The following DAB1 variants were observed in gnomAD, a reference collection of about 807,000 sequenced individuals.
The protein encoded by DAB1 is DAB adaptor protein 1, also known as disabled homolog 1.
Under a neutral mutation model 64.6 loss-of-function variants are expected in DAB1, and 15 were observed. That is an observed-to-expected ratio of 0.23 (90% CI 0.16 to 0.36). The LOEUF is 0.36. DAB1 is among the 10% of genes least tolerant of loss of function. DAB1 has a pLI of 1.00. For missense variants in DAB1, 596 were observed against 706.7 expected, an observed-to-expected ratio of 0.84 and a Z score of 1.78; for synonymous variants, 235 against 251.9, an observed-to-expected ratio of 0.93 and a Z score of 0.64.
chr1:57,820,064 A>C (rs760591584), intron 6 of DAB1, among the ~76,000 whole-genome samples: 3 of 152,204 alleles, frequency 2.0e-5, no homozygotes, highest in Non-Finnish European at 2.9e-5. Flanking sequence ...CAAAGTACAC[A>C]GGGCCAAGAC....
chr1:58,167,060 A>G lies in DAB1; in HGVS notation n.310-16472T>C, dbSNP rs1444898524. ...ATTGCACTCAGCCAACTATTAAAAA[A>G]AAAAAAAGCTGCCAAATTGCTGCCA... On this transcript the variant is annotated intron_variant and non_coding_transcript_variant, in intron 4 of 20. Transcript: ENST00000485760. 7.2e-5 allele frequency among the ~76,000 whole-genome samples: 11 copies of G among 152,222 alleles called. No homozygotes were observed. In the East Asian group the frequency reaches 1.5e-3, roughly 21 times the overall value.
chr1:57,076,324 C>T (rs970757321), intron 4 of DAB1, among the ~76,000 whole-genome samples: 3 of 152,084 alleles, frequency 2.0e-5, no homozygotes, highest in Non-Finnish European at 2.9e-5. Context: ...TTTTGAAAAC[C>T]GTTATTGTCT....
chr1:58,032,021 T>C (rs924963868), intron 5 of DAB1, among the ~76,000 whole-genome samples: 3 of 100,794 alleles, frequency 3.0e-5, no homozygotes, highest in African/African-American at 8.8e-5. Flanking sequence ...TGTGTGTGTG[T>C]GTGTGTGTGT....
chr1:57,654,135 C>T (rs1374338518), intron 6 of DAB1, among the ~76,000 whole-genome samples: 3 of 152,074 alleles, frequency 2.0e-5, no homozygotes, highest in Non-Finnish European at 4.4e-5. Context: ...TTTAGGTTTT[C>T]CCTTCAGTGA....
chr1:57,807,515 G>C (rs1651418745), intron 6 of DAB1, among the ~76,000 whole-genome samples: 1 of 152,110 alleles, frequency 6.6e-6, no homozygotes, highest in Non-Finnish European at 1.5e-5. Context: ...TGGTTAACCT[G>C]TTTCGCAGCA....
rs1053733444 is a variant in DAB1, at chr1:57,438,593, G to A, written n.626-147427C>T. On this transcript the variant is annotated intron_variant and non_coding_transcript_variant, in intron 7 of 20. Transcript: ENST00000485760. The stretch of plus-strand genomic sequence containing the variant: ...TTTCCAGCAAAATAAAGAAGGAGGA[G>A]GAGGAGGAAGAGGAGGAGGAGAATT... Among the ~76,000 whole-genome samples, 3 of 152,292 alleles carry A rather than the reference G, an allele frequency of 2.0e-5. No individual in the cohort carries two copies. The East Asian group carries it at 5.8e-4, about 29-fold the overall frequency.
At chr1:58,178,242 A>G (rs546710120) in intron 4 of DAB1, among the ~76,000 whole-genome samples, 2 of 152,292 alleles carry the variant, frequency 1.3e-5, no homozygotes, top group African/African-American at 4.8e-5. Context: ...CTCCGTTCTG[A>G]AACCAACCCT....
At chr1:57,139,654 C>T (rs1487698583) in intron 3 of DAB1, among the ~76,000 whole-genome samples, 2 of 152,086 alleles carry the variant, frequency 1.3e-5, no homozygotes, top group East Asian at 3.9e-4. Context: ...TTCAGTGTCT[C>T]CATTTCCAAA....
intron 1 of DAB1, among the ~76,000 whole-genome samples, chr1:57,339,173 C>G (rs1203718279): frequency 7.7e-6 from 1 of 129,466 alleles, no homozygotes; most frequent in Non-Finnish European, 1.7e-5. Context: ...TTTTTTTTTT[C>G]GAGACAGAGT....
At chr1:57,054,363 G>A (rs929335209) in intron 9 of DAB1, among the ~76,000 whole-genome samples, 1 of 151,776 alleles carries the variant, frequency 6.6e-6, no homozygotes, top group African/African-American at 2.4e-5. Flanking sequence ...CATTCCCACT[G>A]TGGGACCTGA....
intron 1 of DAB1, among the ~76,000 whole-genome samples, chr1:57,296,116 T>C (rs1309227933): frequency 1.3e-5 from 2 of 152,118 alleles, no homozygotes; most frequent in East Asian, 3.9e-4. Flanking sequence ...CTATTTTCGA[T>C]GTTCTATAGA....
Position 58,134,530 on chromosome 1 carries a change from G to C in DAB1, n.387+15981C>G, listed in dbSNP as rs544671609. ...GTAATTTATTTGAAAAAAAAAAGAG[G>C]TTTAATCAGCTCATGCTTCTGCAGG... On this transcript the variant is annotated intron_variant and non_coding_transcript_variant, in intron 5 of 20. Coordinates refer to the DAB1 transcript ENST00000485760. Among the ~76,000 whole-genome samples, 9 of 152,164 alleles carry C rather than the reference G, an allele frequency of 5.9e-5. 1 individual carries two copies. Among genetic ancestry groups the C allele is most frequent in the African/African-American group, 2.2e-4 (9 of 41,504 alleles).
chr1:57,997,097 A>G (rs1351935813), intron 5 of DAB1, among the ~76,000 whole-genome samples: 6 of 152,142 alleles, frequency 3.9e-5, no homozygotes, highest in Non-Finnish European at 7.4e-5. Flanking sequence ...ACATAAAAAA[A>G]CACCTGAATC....
intron 4 of DAB1, among the ~76,000 whole-genome samples, chr1:58,179,307 A>G (rs1295272194): frequency 1.3e-5 from 2 of 152,094 alleles, no homozygotes; most frequent in African/African-American, 4.8e-5. Context: ...CTTTCTTGTA[A>G]TATCTTTTTC....
At chr1:58,252,005 T>C (rs1473461448) in intron 4 of DAB1, among the ~76,000 whole-genome samples, 7 of 152,162 alleles carry the variant, frequency 4.6e-5, no homozygotes, top group African/African-American at 1.7e-4. Flanking sequence ...GGGGTCTGGG[T>C]ATGAGTTTCT....
intron 7 of DAB1, among the ~76,000 whole-genome samples, chr1:57,506,777 G>A (rs952366973): frequency 1.3e-5 from 2 of 152,072 alleles, no homozygotes; most frequent in Admixed American, 6.5e-5. Flanking sequence ...TGGCTCCAAC[G>A]GCTCTGTAGT....
At chr1:57,169,447 G>C (rs1661518572) in intron 2 of DAB1, among the ~76,000 whole-genome samples, 1 of 152,154 alleles carries the variant, frequency 6.6e-6, no homozygotes, top group Non-Finnish European at 1.5e-5. Flanking sequence ...AAAGAGACTT[G>C]ACCAAGGTTA....
At chr1:58,162,081 G>C (rs35318325) in intron 4 of DAB1, among the ~76,000 whole-genome samples, 2 of 152,190 alleles carry the variant, frequency 1.3e-5, no homozygotes, top group Non-Finnish European at 2.9e-5. Flanking sequence ...AACAATGTTC[G>C]GTGATAGATA....
chr1:58,057,157 G>C (rs1648172273), intron 5 of DAB1, among the ~76,000 whole-genome samples: 2 of 151,996 alleles, frequency 1.3e-5, no homozygotes, highest in Non-Finnish European at 2.9e-5. Context: ...CATGTGTAAA[G>C]TGCCTACCAC....
Sources: allele counts gnomAD v4.1 joint callset (sites outside exome capture counted in the v4.1 genomes callset), GRCh38; gene constraint gnomAD v4.1.1; transcripts MANE v1.5; gene names NCBI Gene and HGNC (gene_info 2026-07-23, HGNC 2026-07-21).